The following MCM9 variants were observed in gnomAD, a reference collection of about 807,000 sequenced individuals.
MCM9 encodes DNA helicase MCM9.
A neutral mutation model predicts 72.8 loss-of-function variants in MCM9; 55 were observed. The ratio of observed to expected loss-of-function variants is 0.76; its 90% CI spans 0.61 to 0.95. The LOEUF (loss-of-function observed/expected upper bound fraction) is 0.95, where lower values mean the gene tolerates loss of function less well. Ranked by LOEUF, MCM9 falls within the 40% of genes least tolerant of loss-of-function variation. The pLI is 0.00. For synonymous variants in MCM9, 480 were observed against 503.4 expected (o/e 0.95, Z 0.62); for missense variants, 1,279 against 1,377.0 (o/e 0.93, Z 1.13).
intron 9 of MCM9, among the ~76,000 whole-genome samples, chr6:118,839,461 T>A (rs553340526): frequency 6.6e-6 from 1 of 152,278 alleles, no homozygotes; most frequent in Non-Finnish European, 1.5e-5. Context: ...CCAGTTTTGT[T>A]CCCTTGCTGG....
At chr6:118,896,446 A>G (rs923695219) in intron 8 of MCM9, among the ~76,000 whole-genome samples, 2 of 152,206 alleles carry the variant, frequency 1.3e-5, no homozygotes, top group African/African-American at 4.8e-5. Context: ...TAGATGACTC[A>G]GGATGTCGTT....
At position 118,840,948 on chromosome 6, in the gene MCM9, T is replaced by C. The variant is rs185391090; in HGVS notation, c.1326-11698A>G. Reference sequence around the variant, plus strand: ...CAGTGTTTTGCTATGTTGCCCAGGCTGGTCTTGAACTCCTAGGCTTAAGCA... The same window carrying C: ...CAGTGTTTTGCTATGTTGCCCAGGCCGGTCTTGAACTCCTAGGCTTAAGCA... On this transcript the variant is annotated intron_variant, in intron 9 of 13. Coordinates refer to ENST00000619706, the MANE Select transcript of MCM9 (RefSeq NM_017696.3). 3.1e-3 allele frequency among the ~76,000 whole-genome samples: 469 copies of C among 152,276 alleles called. 4 individuals carry two copies. Among genetic ancestry groups the C allele is most frequent in the African/African-American group, 0.011 (441 of 41,574 alleles).
At chr6:118,895,296 G>A (rs949095751) in intron 8 of MCM9, among the ~76,000 whole-genome samples, 1 of 152,084 alleles carries the variant, frequency 6.6e-6, no homozygotes, top group East Asian at 1.9e-4. Flanking sequence ...CTGGCGCGCA[G>A]GCTCCCCAAC....
intron 9 of MCM9, among the ~76,000 whole-genome samples, chr6:118,835,336 C>CT (rs1325425932): frequency 6.6e-6 from 1 of 152,156 alleles, no homozygotes; most frequent in Non-Finnish European, 1.5e-5. Context: ...TATATGGGCT[C>CT]TTTTTTGGTT....
intron 8 of MCM9, among the ~76,000 whole-genome samples, chr6:118,887,441 T>G (rs924304292): frequency 2.0e-5 from 3 of 152,098 alleles, no homozygotes; most frequent in African/African-American, 7.2e-5. Flanking sequence ...AAGTATGAAT[T>G]TGGACCCCTT....
chr6:118,869,779 T>C (rs1777480444), intron 8 of MCM9, among the ~76,000 whole-genome samples: 1 of 151,978 alleles, frequency 6.6e-6, no homozygotes, highest in African/African-American at 2.4e-5. Context: ...ACTTTAGGAC[T>C]CTCAGACTGA....
Position 118,917,749 on chromosome 6 carries a change from G to A in MCM9, c.716C>T (p.Thr239Ile), listed in dbSNP as rs1430601851. 1.2e-6 allele frequency: 2 copies of A among 1,614,118 alleles called. No homozygotes were observed. Among genetic ancestry groups the A allele is most frequent in the Non-Finnish European group, 1.7e-6 (2 of 1,179,996 alleles). ...CCGTTGCATTACAATCCCGTAAATAGTGAGGTCATCACCTAGGAAAAAGCA... is the reference window on the plus strand; with the variant it reads ...CCGTTGCATTACAATCCCGTAAATAATGAGGTCATCACCTAGGAAAAAGCA... ...VDSCKSGDDLTIYGIVMQRWK... is the reference protein window; with the variant it reads ...VDSCKSGDDLIIYGIVMQRWK... The change falls in exon 6 of 14, where the codon ACT becomes ATT. Residue 239 changes from threonine to isoleucine, a missense_variant. Physicochemically the swap from Thr to Ile is moderately conservative, Grantham distance 89 (BLOSUM62 -1). Coordinates refer to ENST00000619706, the MANE Select transcript of MCM9 (RefSeq NM_017696.3).
At chr6:118,879,000 G>A (rs539039349) in intron 8 of MCM9, among the ~76,000 whole-genome samples, 4 of 152,198 alleles carry the variant, frequency 2.6e-5, no homozygotes, top group South Asian at 4.1e-4. Context: ...AGGCTGCAGT[G>A]AGCCAAGATC....
intron 13 of MCM9, among the ~76,000 whole-genome samples, chr6:118,823,356 G>C (rs1050900226): frequency 6.6e-6 from 1 of 152,128 alleles, no homozygotes; most frequent in Non-Finnish European, 1.5e-5. Context: ...GAAGTCCTCC[G>C]GGTCCTTGTA....
At position 118,816,103 on chromosome 6, in the gene MCM9, G is replaced by C; in HGVS notation, c.2153C>G (p.Pro718Arg). The C allele has an allele frequency of 6.5e-7, 1 of 1,550,246 alleles. No individual in the cohort carries two copies. Among genetic ancestry groups the C allele is most frequent in the African/African-American group, 1.4e-5 (1 of 73,134 alleles). Residue 718 changes from proline (P) to arginine (R), a missense_variant, in exon 14 of 14, where the codon CCG becomes CGG. Coordinates refer to ENST00000619706, the MANE Select transcript of MCM9 (RefSeq NM_017696.3). ...TGTTGATCTATTAGGCTCCAGATGCGGTGGGGGATCTAGAACTGGGCTTCC... is the reference window on the plus strand; with the variant it reads ...TGTTGATCTATTAGGCTCCAGATGCCGTGGGGGATCTAGAACTGGGCTTCC... ...PEGSPVLDPP[P>R]HLEPNRSTSR...
chr6:118,866,829 A>T (rs1389868848), intron 8 of MCM9, among the ~76,000 whole-genome samples: 1 of 152,216 alleles, frequency 6.6e-6, no homozygotes, highest in Non-Finnish European at 1.5e-5. Context: ...CAGGAAGCCC[A>T]AACAATACCA....
Position 118,931,610 on chromosome 6 carries a change from G to A in MCM9, c.114C>T (p.Tyr38=). ...GAGTCATGGCATTAACCACAACTGG[G>A]TAATGAGCATCTTCATCCCTTTCCT... ...ILKERDEDAH[Y]PVVVNAMTLF... is the part of the protein sequence containing the mutation. The change falls in exon 3 of 14, where the codon TAC becomes TAT. Residue 38 remains tyrosine (Y), a synonymous_variant. Coordinates refer to ENST00000619706, the MANE Select transcript of MCM9 (RefSeq NM_017696.3). The A allele has an allele frequency of 6.2e-7, 1 of 1,613,992 alleles. No individual in the cohort carries two copies. The highest frequency in any genetic ancestry group is 1.1e-5 in the South Asian group (1 of 91,076).
chr6:118,848,908 C>A (rs1303196805), intron 9 of MCM9, among the ~76,000 whole-genome samples: 1 of 151,138 alleles, frequency 6.6e-6, no homozygotes, highest in African/African-American at 2.4e-5. Flanking sequence ...GGTGACAGAG[C>A]AAGACTTTGT....
intron 8 of MCM9, among the ~76,000 whole-genome samples, chr6:118,857,917 T>A (rs1776668214): frequency 6.6e-6 from 1 of 152,162 alleles, no homozygotes; most frequent in Non-Finnish European, 1.5e-5. Context: ...TAGTGAATTC[T>A]ACCAAATATT....
chr6:118,886,055 CA>C (rs36183265), intron 8 of MCM9, among the ~76,000 whole-genome samples: 120,914 of 142,868 alleles, frequency 0.85, 50,924 homozygotes, highest in East Asian at 0.96. Context: ...AATAAGGGAC[CA>C]AAAAAAAAAA....
intron 9 of MCM9, among the ~76,000 whole-genome samples, chr6:118,850,259 G>GTT (rs36135983): frequency 1.3e-5 from 2 of 151,458 alleles, no homozygotes; most frequent in African/African-American, 2.4e-5. Context: ...TTGAATATTA[G>GTT]TTTTTTGTGA....
chr6:118,843,474 C>G (rs1583405155), intron 9 of MCM9, among the ~76,000 whole-genome samples: 1 of 150,398 alleles, frequency 6.6e-6, no homozygotes, highest in African/African-American at 2.4e-5. Context: ...ACTAAAAATA[C>G]AAAATTAGCC....
At chr6:118,923,717 T>G (rs189871325) in intron 4 of MCM9, 94 bp downstream of exon 4, 2 of 1,061,688 alleles carry the variant, frequency 1.9e-6, no homozygotes, top group Non-Finnish European at 2.7e-6. Flanking sequence ...ACAAGTACAT[T>G]TGTATCCATT....
chr6:118,824,606 G>A (rs897095537), intron 13 of MCM9, among the ~76,000 whole-genome samples: 3 of 152,266 alleles, frequency 2.0e-5, no homozygotes, highest in South Asian at 2.1e-4. Flanking sequence ...ACCGTGCCCC[G>A]CCTGCACTCT....
Sources: gnomAD v4.1 joint callset for allele counts (sites outside exome capture counted in the v4.1 genomes callset) on GRCh38, gnomAD v4.1.1 for gene constraint, MANE v1.5 for transcripts, NCBI Gene and HGNC (gene_info 2026-07-23, HGNC 2026-07-21) for gene names.